The following TBCD variants were observed in gnomAD, a reference collection of about 807,000 sequenced individuals.
TBCD encodes the protein tubulin-specific chaperone D.
A neutral mutation model predicts 169.3 loss-of-function variants in TBCD; 105 were observed. The ratio of observed to expected loss-of-function variants is 0.62; its 90% CI spans 0.53 to 0.73. The LOEUF (loss-of-function observed/expected upper bound fraction) is 0.73. Ranked by LOEUF, TBCD falls within the 30% of genes least tolerant of loss-of-function variation. The pLI is 0.00. For synonymous variants in TBCD, 700 were observed against 643.9 expected (o/e 1.09, Z -1.32); for missense variants, 1,444 against 1,600.1 (o/e 0.90, Z 1.66).
intron 13 of TBCD, among the ~76,000 whole-genome samples, chr17:82,859,216 C>T (rs2056562495): frequency 1.3e-5 from 2 of 151,346 alleles, no homozygotes; most frequent in South Asian, 4.2e-4. Context: ...CCCGCACTGG[C>T]TTTCAGGGAA....
chr17:82,815,468 G>A (rs1464680649), intron 13 of TBCD, among the ~76,000 whole-genome samples: 2 of 152,244 alleles, frequency 1.3e-5, no homozygotes, highest in African/African-American at 4.8e-5. Flanking sequence ...GGGAACTGGG[G>A]TGGAGGGCCA....
chr17:82,810,149 A>AG (rs2051323484), intron 12 of TBCD, among the ~76,000 whole-genome samples: 1 of 152,144 alleles, frequency 6.6e-6, no homozygotes, highest in Non-Finnish European at 1.5e-5. Context: ...CAGACCTTGA[A>AG]GTGAGGCTGG....
Position 82,890,806 on chromosome 17 carries a change from A to G in TBCD, c.1563+1109A>G, listed in dbSNP as rs1230822599. Among the ~76,000 whole-genome samples the G allele has an allele frequency of 6.6e-6, 1 of 152,208 alleles. No homozygotes were observed. The highest frequency in any genetic ancestry group is 1.5e-5 in the Non-Finnish European group (1 of 68,024). ...ACTAGGAAGAGACACCAGCCTTGCAAGGGGAGCCTGGGTGTGCAGACAGCA... is the reference window on the plus strand; with the variant it reads ...ACTAGGAAGAGACACCAGCCTTGCAGGGGGAGCCTGGGTGTGCAGACAGCA... On this transcript the variant is annotated intron_variant, in intron 16 of 38. Coordinates refer to ENST00000355528, the MANE Select transcript of TBCD (RefSeq NM_005993.5). The surrounding 1 kb of genome is among the most constrained non-coding windows in gnomAD (Gnocchi z 5.3).
intron 13 of TBCD, chr17:82,830,960 G>A (rs1018825308): frequency 6.2e-7 from 1 of 1,613,348 alleles, no homozygotes; most frequent in Non-Finnish European, 8.5e-7. Flanking sequence ...TATAAGCCTG[G>A]CTCATGGAAC....
intron 34 of TBCD, among the ~76,000 whole-genome samples, chr17:82,933,874 A>C (rs899889401): frequency 1.1e-4 from 17 of 152,136 alleles, no homozygotes; most frequent in African/African-American, 4.1e-4. Flanking sequence ...CGGCCTCCCA[A>C]AGTGCTGGGA....
chr17:82,945,029 T>A lies in TBCD; in HGVS notation c.*2566T>A, dbSNP rs1352163235. ...TTGACTTGGCCCTGACCAGTGGTAT[T>A]CCCAGACAAGGGCAGAAGATGCAAA... On this transcript the variant is annotated 3_prime_UTR_variant, in exon 39 of 39. Transcript: ENST00000355528. 2.0e-5 allele frequency: 3 copies of A among 152,202 alleles called. No homozygotes were observed. The South Asian group carries it at 6.2e-4, about 32-fold the overall frequency. 9.4% of individuals were successfully genotyped at this position (152,202 alleles called of 1,614,324 possible). A position where few individuals can be genotyped will look rare whatever the true frequency, so the allele number is the denominator to read the frequency against.
At position 82,763,949 on chromosome 17, in the gene TBCD, CTA is replaced by C; in HGVS notation, c.236-14_236-13del. ...TGTTCACTTTTACAGTAAATGTTTC[CTA>C]TGTTTTTCCCTAGAATGGATGATGA... On this transcript the variant is annotated splice_polypyrimidine_tract_variant and intron_variant, in intron 2 of 38. Transcript: ENST00000355528. 6.2e-7 allele frequency: 1 copy of C among 1,607,754 alleles called. No homozygotes were observed. Among genetic ancestry groups the C allele is most frequent in the Non-Finnish European group, 8.5e-7 (1 of 1,174,868 alleles).
At chr17:82,855,259 TTTTTTTTTTTTTA>T in intron 13 of TBCD, among the ~76,000 whole-genome samples, 3 of 131,676 alleles carry the variant, frequency 2.3e-5, no homozygotes, top group African/African-American at 1.0e-4. Context: ...TTTTTTTTTT[TTTTTTTTTTTTTA>T]ATTTTTTAGA....
chr17:82,771,002 T>G (rs2144084901), intron 5 of TBCD, among the ~76,000 whole-genome samples: 1 of 134,826 alleles, frequency 7.4e-6, no homozygotes, highest in South Asian at 2.3e-4. Flanking sequence ...GAGCCAAGAT[T>G]GCACCACTGC....
chr17:82,941,227 G>A (rs1418720986), intron 37 of TBCD, among the ~76,000 whole-genome samples, 172 bp from the exon 38 acceptor site: 1 of 152,254 alleles, frequency 6.6e-6, no homozygotes, highest in Non-Finnish European at 1.5e-5. Flanking sequence ...TCGAGGCTCT[G>A]CTGGAGAACG....
chr17:82,810,077 G>A (rs183684739), intron 12 of TBCD, among the ~76,000 whole-genome samples: 3 of 152,264 alleles, frequency 2.0e-5, no homozygotes, highest in Admixed American at 2.0e-4. Context: ...GGGCTGCTCC[G>A]AGAGCTTTCT....
intron 13 of TBCD, among the ~76,000 whole-genome samples, chr17:82,850,467 G>A (rs1275244921): frequency 6.8e-6 from 1 of 146,906 alleles, no homozygotes; most frequent in African/African-American, 2.6e-5. Context: ...TGGCTGTGCT[G>A]TTGTTGGCTG....
At chr17:82,942,194 T>TG in intron 38 of TBCD, 2 of 556,626 alleles carry the variant, frequency 3.6e-6, no homozygotes, top group Admixed American at 6.9e-5. Flanking sequence ...TTCAAACGTG[T>TG]GAATGCAGGT....
Position 82,889,097 on chromosome 17 carries a change from G to T in TBCD, c.1534-571G>T, listed in dbSNP as rs78542687. 0.042 allele frequency among the ~76,000 whole-genome samples: 6,466 copies of T among 152,312 alleles called. 269 individuals carry two copies. The highest frequency in any genetic ancestry group is 0.11 in the African/African-American group (4,504 of 41,566). ...GCTCTGCCTGGTCGGTGCGCCTAAG[G>T]GGGGCAGGGTGTTTGGGGAGGACAT... On this transcript the variant is annotated intron_variant, in intron 15 of 38. Transcript: ENST00000355528. The surrounding 1 kb of genome is among the most constrained non-coding windows in gnomAD (Gnocchi z 5.3).
chr17:82,828,041 A>G (rs1257439175), intron 13 of TBCD, among the ~76,000 whole-genome samples: 3 of 145,768 alleles, frequency 2.1e-5, no homozygotes, highest in Admixed American at 1.4e-4. Flanking sequence ...GCACGATTCA[A>G]TATGCATACA....
At chr17:82,830,368 A>C (rs760148485) in intron 13 of TBCD, 1 of 1,612,994 alleles carries the variant, frequency 6.2e-7, no homozygotes, top group African/African-American at 1.3e-5. Context: ...GCCCACCCGG[A>C]TGTTCCTGGG....
At chr17:82,793,184 C>T (rs992775980) in intron 7 of TBCD, among the ~76,000 whole-genome samples, 1 of 152,194 alleles carries the variant, frequency 6.6e-6, no homozygotes, top group East Asian at 1.9e-4. Flanking sequence ...CAGTCATTTA[C>T]CAATCCAGCA....
At chr17:82,887,343 C>T (rs1252256272) in intron 15 of TBCD, among the ~76,000 whole-genome samples, 6 of 152,088 alleles carry the variant, frequency 3.9e-5, no homozygotes, top group African/African-American at 9.7e-5. Flanking sequence ...TGGCAGCCAC[C>T]GGTCGGCTCT....
At chr17:82,933,309 CTG>C (rs2062366801) in intron 34 of TBCD, among the ~76,000 whole-genome samples, 1 of 129,692 alleles carries the variant, frequency 7.7e-6, no homozygotes, top group Non-Finnish European at 1.6e-5. Context: ...GGGTCTAGCT[CTG>C]TTTCCCAGGC....
Sources: allele counts gnomAD v4.1 joint callset (sites outside exome capture counted in the v4.1 genomes callset), GRCh38; gene constraint gnomAD v4.1.1; non-coding constraint Gnocchi (gnomAD v3.1); transcripts MANE v1.5; gene names NCBI Gene and HGNC (gene_info 2026-07-23, HGNC 2026-07-21).